VEGFD: variants seen among roughly 807,000 people sequenced by gnomAD.
The protein encoded by VEGFD is vascular endothelial growth factor D.
A neutral mutation model predicts 28.0 loss-of-function variants in VEGFD; 26 were observed. That is an observed-to-expected ratio of 0.93 (90% CI 0.68 to 1.29). VEGFD has a LOEUF of 1.29. VEGFD is among the 50% of genes most tolerant of loss of function. The pLI, the probability that VEGFD is intolerant of heterozygous loss-of-function variation, is 0.00. For synonymous variants in VEGFD, 93 were observed against 95.5 expected, an observed-to-expected ratio of 0.97 and a Z score of 0.15; for missense variants, 294 against 273.4, an observed-to-expected ratio of 1.08 and a Z score of -0.53.
At chrX:15,377,389 T>C (rs1393018411) in intron 1 of VEGFD, among the ~76,000 whole-genome samples, 2 of 112,218 alleles carry the variant, frequency 1.8e-5, no homozygotes, top group Non-Finnish European at 3.8e-5. Flanking sequence ...CTAAGCAAAG[T>C]ATACGTTCTT....
chrX:15,360,550 GCTGGT>G (rs1922988427), intron 2 of VEGFD, among the ~76,000 whole-genome samples: 1 of 110,484 alleles, frequency 9.1e-6, no homozygotes, highest in African/African-American at 3.3e-5. Context: ...TGTTGGCCAG[GCTGGT>G]CTTGATCTCT....
Position 15,346,064 on chromosome X carries a change from C to A in VEGFD, c.*69G>T. ...TTTTTTTTAACACCTGGGAAAAAAACAGTGACAGCAACTTGGCAAAGCAGC... is the reference window on the plus strand; with the variant it reads ...TTTTTTTTAACACCTGGGAAAAAAAAAGTGACAGCAACTTGGCAAAGCAGC... On this transcript the variant is annotated 3_prime_UTR_variant, in exon 7 of 7. Transcript: ENST00000297904. 8.8e-7 allele frequency: 1 copy of A among 1,137,886 alleles called. No homozygotes were observed. The highest frequency in any genetic ancestry group is 1.2e-6 in the Non-Finnish European group (1 of 848,667). The allele number at this position is 1,137,886 out of a possible 1,213,427, so 93.8% of individuals were successfully genotyped here. A position where few individuals can be genotyped will look rare whatever the true frequency, so the allele number is the denominator to read the frequency against.
At chrX:15,382,468 A>G (rs1470441492) in intron 1 of VEGFD, among the ~76,000 whole-genome samples, 1 of 111,936 alleles carries the variant, frequency 8.9e-6, no homozygotes, top group Admixed American at 9.4e-5. Context: ...ACCATCAGAT[A>G]AAGTGATGTT....
chrX:15,379,374 G>A (rs1383911259), intron 1 of VEGFD, among the ~76,000 whole-genome samples: 1 of 111,605 alleles, frequency 9.0e-6, no homozygotes, highest in African/African-American at 3.3e-5. Flanking sequence ...TCAAATATTG[G>A]AAAGCTCTAA....
rs1450598290 is a variant in VEGFD at position 15,358,186 on chromosome X, A to T, written c.309T>A (p.Asp103Glu). ...TGCACTGAGTTCTTTGCCATTCTTC[A>T]TCTATAACTGCAGAGAGAAAGAAAG... ...FYDIETLKVIDEEWQRTQCSP... is the reference protein window; with the variant it reads ...FYDIETLKVIEEEWQRTQCSP... The change falls in exon 3 of 7, where the codon GAT (aspartate) becomes GAA (glutamate). Residue 103 changes from aspartate to glutamate, a missense_variant. Coordinates refer to ENST00000297904, the MANE Select transcript of VEGFD (RefSeq NM_004469.5). 2 of 1,203,391 alleles carry T rather than the reference A, an allele frequency of 1.7e-6. No individual in the cohort carries two copies. The highest frequency in any genetic ancestry group is 2.2e-6 in the Non-Finnish European group (2 of 892,046).
At chrX:15,366,612 G>T (rs1923153607) in intron 1 of VEGFD, among the ~76,000 whole-genome samples, 1 of 111,827 alleles carries the variant, frequency 8.9e-6, no homozygotes, top group Non-Finnish European at 1.9e-5. Flanking sequence ...ATCTTGTTGA[G>T]TATTTATGAT....
At chrX:15,353,457 G>A (rs181618373) in intron 4 of VEGFD, among the ~76,000 whole-genome samples, 2 of 112,393 alleles carry the variant, frequency 1.8e-5, no homozygotes, top group Admixed American at 9.4e-5. Context: ...TTAAAGGAGC[G>A]GGCCAGGTGC....
At chrX:15,363,660 A>C (rs1428915002) in intron 1 of VEGFD, among the ~76,000 whole-genome samples, 1 of 112,441 alleles carries the variant, frequency 8.9e-6, no homozygotes, top group Non-Finnish European at 1.9e-5. Flanking sequence ...GGATCTGTAC[A>C]GATGTAATGA....
At chrX:15,359,475 C>G (rs1471672486) in intron 2 of VEGFD, among the ~76,000 whole-genome samples, 1 of 105,430 alleles carries the variant, frequency 9.5e-6, no homozygotes, top group Non-Finnish European at 1.9e-5. Flanking sequence ...TTGCTGCACC[C>G]GTCAACCCGT....
intron 1 of VEGFD, among the ~76,000 whole-genome samples, chrX:15,375,707 G>A (rs1923421568): frequency 8.9e-6 from 1 of 111,861 alleles, no homozygotes; most frequent in Non-Finnish European, 1.9e-5. Context: ...GTGTGTGTGT[G>A]AATGTATGTG....
At chrX:15,360,129 T>C (rs1276292696) in intron 2 of VEGFD, among the ~76,000 whole-genome samples, 8 of 111,409 alleles carry the variant, frequency 7.2e-5, no homozygotes, top group Non-Finnish European at 1.3e-4. Flanking sequence ...ATTTGAGATG[T>C]GACCCTAGTC....
chrX:15,351,469 C>T (rs1922728731), intron 5 of VEGFD, among the ~76,000 whole-genome samples: 1 of 111,394 alleles, frequency 9.0e-6, no homozygotes, highest in African/African-American at 3.3e-5. Flanking sequence ...CCCATCTCGG[C>T]CTCCCAAAGT....
chrX:15,383,644 C>G (rs1489823167), intron 1 of VEGFD, among the ~76,000 whole-genome samples: 2 of 111,656 alleles, frequency 1.8e-5, no homozygotes, highest in African/African-American at 6.5e-5. Flanking sequence ...AACAACCAAC[C>G]CCCACCCCAG....
At chrX:15,373,314 A>G (rs1206145571) in intron 1 of VEGFD, among the ~76,000 whole-genome samples, 1 of 111,721 alleles carries the variant, frequency 9.0e-6, no homozygotes, top group Non-Finnish European at 1.9e-5. Context: ...AAGAGCTTCA[A>G]AAAGCTTTTC....
intron 1 of VEGFD, among the ~76,000 whole-genome samples, chrX:15,383,553 G>T (rs1923638787): frequency 2.7e-5 from 3 of 111,966 alleles, no homozygotes; most frequent in Non-Finnish European, 5.6e-5. Context: ...AAACCACTGT[G>T]CCATCTGCAT....
At chrX:15,370,446 C>G (rs1246984034) in intron 1 of VEGFD, among the ~76,000 whole-genome samples, 1 of 111,906 alleles carries the variant, frequency 8.9e-6, no homozygotes, top group Non-Finnish European at 1.9e-5. Flanking sequence ...CTTCTTCCAT[C>G]AAGCATTTTA....
At chrX:15,359,465 T>A (rs763304809) in intron 2 of VEGFD, among the ~76,000 whole-genome samples, 2 of 105,266 alleles carry the variant, frequency 1.9e-5, no homozygotes, top group South Asian at 9.1e-4. Flanking sequence ...CCACGGTGGT[T>A]TGCTGCACCC....
chrX:15,374,152 T>C (rs1021498950), intron 1 of VEGFD, among the ~76,000 whole-genome samples: 2 of 112,371 alleles, frequency 1.8e-5, no homozygotes, highest in Admixed American at 1.9e-4. Flanking sequence ...GGTATAACAC[T>C]CTGGAAAATG....
At chrX:15,363,383 C>A in intron 1 of VEGFD, 64 bp from the exon 2 acceptor site, 1 of 928,844 alleles carries the variant, frequency 1.1e-6, no homozygotes, top group South Asian at 2.3e-5. Context: ...TCATAATAAT[C>A]TTCATTTCTG....
Sources: allele counts gnomAD v4.1 joint callset (sites outside exome capture counted in the v4.1 genomes callset), GRCh38; gene constraint gnomAD v4.1.1; transcripts MANE v1.5; gene names NCBI Gene and HGNC (gene_info 2026-07-23, HGNC 2026-07-21).